Variants in FGF14 observed in about 807,000 individuals in gnomAD.
The protein encoded by FGF14 is fibroblast growth factor 14.
A neutral mutation model predicts 25.5 loss-of-function variants in FGF14; 5 were observed. The ratio of observed to expected loss-of-function variants is 0.20; its 90% CI spans 0.10 to 0.41. FGF14 has a LOEUF of 0.41. Among genes scored for constraint, FGF14 ranks in the 10% least tolerant of loss-of-function variants. The pLI is 1.00. For missense variants in FGF14, 222 were observed against 320.1 expected (o/e 0.69, Z 2.34); for synonymous variants, 138 against 118.3 (o/e 1.17, Z -1.08).
At chr13:101,885,742 G>T (rs2045957749) in intron 1 of FGF14, among the ~76,000 whole-genome samples, 1 of 151,276 alleles carries the variant, frequency 6.6e-6, no homozygotes, top group African/African-American at 2.4e-5. Context: ...AGAACCATAG[G>T]CCAGAGAAAC....
chr13:102,260,958 C>T (rs1305080021), intron 1 of FGF14, among the ~76,000 whole-genome samples: 2 of 152,206 alleles, frequency 1.3e-5, no homozygotes, highest in South Asian at 2.1e-4. Flanking sequence ...ATTGTGACTG[C>T]CTCTTTCCCT....
intron 1 of FGF14, among the ~76,000 whole-genome samples, chr13:102,374,563 T>C (rs925454916): frequency 3.3e-5 from 5 of 149,698 alleles, no homozygotes; most frequent in African/African-American, 1.2e-4. Flanking sequence ...ATTCACTTTA[T>C]TGAAGAATAA....
intron 1 of FGF14, among the ~76,000 whole-genome samples, chr13:101,914,545 G>A (rs2139107524): frequency 6.6e-6 from 1 of 152,168 alleles, no homozygotes; most frequent in Non-Finnish European, 1.5e-5. Context: ...AATACCAACA[G>A]AGCAGTCAGG....
chr13:101,801,971 C>A, intron 3 of FGF14: 3 of 471,858 alleles, frequency 6.4e-6, no homozygotes, highest in Admixed American at 2.1e-5. Context: ...AAAGAAAAAC[C>A]CAGAGGTCCC....
At chr13:102,196,828 AC>A (rs1484793426) in intron 1 of FGF14, among the ~76,000 whole-genome samples, 1 of 151,828 alleles carries the variant, frequency 6.6e-6, no homozygotes, top group African/African-American at 2.4e-5. Context: ...ATCAACATCT[AC>A]CCCCTTTCCA....
intron 1 of FGF14, among the ~76,000 whole-genome samples, chr13:102,202,563 G>T (rs1249983230): frequency 1.3e-5 from 2 of 152,216 alleles, no homozygotes. Context: ...ATATCCTGCT[G>T]CATTGGGGGA....
intron 1 of FGF14, among the ~76,000 whole-genome samples, chr13:101,898,025 G>C (rs1190557894): frequency 1.1e-4 from 14 of 128,730 alleles, no homozygotes. Flanking sequence ...CTCCTTAGTA[G>C]CTGGGACCAC....
chr13:102,085,922 A>G (rs980775762), intron 1 of FGF14, among the ~76,000 whole-genome samples: 6 of 152,192 alleles, frequency 3.9e-5, no homozygotes, highest in African/African-American at 1.4e-4. Flanking sequence ...AGTTTGTTTA[A>G]GTTGCTGTCT....
chr13:101,879,491 T>C (rs574464330), intron 1 of FGF14, among the ~76,000 whole-genome samples: 18 of 152,124 alleles, frequency 1.2e-4, no homozygotes, highest in African/African-American at 4.1e-4. Context: ...TAGAAATGAG[T>C]TCAATTAAAT....
chr13:102,148,632 A>C (rs1263285551), intron 1 of FGF14, among the ~76,000 whole-genome samples: 1 of 151,894 alleles, frequency 6.6e-6, no homozygotes, highest in Non-Finnish European at 1.5e-5. Context: ...AACAGGGTGA[A>C]ACCCCGTCTC....
chr13:101,821,141 G>T (rs1286927364), intron 3 of FGF14, among the ~76,000 whole-genome samples: 1 of 151,898 alleles, frequency 6.6e-6, no homozygotes, highest in Admixed American at 6.6e-5. Flanking sequence ...GTAGAGACAG[G>T]GTTTCACCGT....
chr13:101,721,149 C>T lies in FGF14; in HGVS notation c.*1682G>A, dbSNP rs577910610. ...TTCAATAAATGAGGTTCAGTTTGGTCTCAATGAACTCTTCTGAGAAGAAAA... is the reference window on the plus strand; with the variant it reads ...TTCAATAAATGAGGTTCAGTTTGGTTTCAATGAACTCTTCTGAGAAGAAAA... On this transcript the variant is annotated 3_prime_UTR_variant, in exon 5 of 5. Transcript: ENST00000376143. 5.3e-5 allele frequency: 8 copies of T among 151,906 alleles called. No homozygotes were observed. In the East Asian group the frequency reaches 1.4e-3, roughly 26 times the overall value. 9.4% of individuals were successfully genotyped at this position (151,906 alleles called of 1,614,324 possible). A position where few individuals can be genotyped will look rare whatever the true frequency, so the allele number is the denominator to read the frequency against.
chr13:101,874,212 TAAATA>T (rs1354264587), intron 2 of FGF14, among the ~76,000 whole-genome samples: 1 of 151,966 alleles, frequency 6.6e-6, no homozygotes, highest in Non-Finnish European at 1.5e-5. Flanking sequence ...CTGATAAAAA[TAAATA>T]AAATAAAAAT....
chr13:102,389,848 T>C (rs1566981328), intron 1 of FGF14, among the ~76,000 whole-genome samples: 5 of 152,190 alleles, frequency 3.3e-5, no homozygotes, highest in Admixed American at 1.3e-4. Context: ...CTGTCTTCTA[T>C]GCTCTGAGTG....
At chr13:101,941,641 A>G (rs2035457396) in intron 1 of FGF14, among the ~76,000 whole-genome samples, 1 of 152,190 alleles carries the variant, frequency 6.6e-6, no homozygotes, top group African/African-American at 2.4e-5. Context: ...AAAAGAGGCC[A>G]TTTCTAGTTA....
rs189343009 is a variant in FGF14 at position 102,354,590 on chromosome 13, C to T, written c.208+46881G>A. 3.3e-5 allele frequency among the ~76,000 whole-genome samples: 5 copies of T among 152,258 alleles called. No individual in the cohort carries two copies. In the East Asian group the frequency reaches 9.7e-4, roughly 29 times the overall value. ...AGCTGTACCCCAGCCACATTGGGCA[C>T]GTGTCATCATCTTGAGGCCCACAAA... On this transcript the variant is annotated intron_variant, in intron 1 of 4. Coordinates refer to the FGF14 transcript ENST00000376131.
At chr13:102,202,313 C>G (rs755751749) in intron 1 of FGF14, among the ~76,000 whole-genome samples, 1 of 152,146 alleles carries the variant, frequency 6.6e-6, no homozygotes, top group Admixed American at 6.5e-5. Flanking sequence ...ACAGTTAGTG[C>G]CAAGGGCCTA....
chr13:102,359,891 C>T (rs1335765015), intron 1 of FGF14, among the ~76,000 whole-genome samples: 2 of 149,612 alleles, frequency 1.3e-5, no homozygotes, highest in African/African-American at 4.9e-5. Context: ...AAATAATTTG[C>T]TGTGTTTACA....
Position 102,119,337 on chromosome 13 carries a change from G to C in FGF14, c.209-244041C>G, listed in dbSNP as rs891812945. Reference sequence around the variant, plus strand: ...AGTCTTCCAAACAGACTATATCGTGGGGAGAGGGTAACTAGGGAGATTGTT... The same window carrying C: ...AGTCTTCCAAACAGACTATATCGTGCGGAGAGGGTAACTAGGGAGATTGTT... On this transcript the variant is annotated intron_variant, in intron 1 of 4. Transcript: ENST00000376131. 3.9e-5 allele frequency among the ~76,000 whole-genome samples: 6 copies of C among 152,258 alleles called. No individual in the cohort carries two copies. The East Asian group carries it at 9.6e-4, about 24-fold the overall frequency.
Sources: allele counts gnomAD v4.1 joint callset (sites outside exome capture counted in the v4.1 genomes callset), GRCh38; gene constraint gnomAD v4.1.1; transcripts MANE v1.5; gene names NCBI Gene and HGNC (gene_info 2026-07-23, HGNC 2026-07-21).